PDE1C: variants seen among roughly 807,000 people sequenced by gnomAD.
PDE1C encodes dual specificity calcium/calmodulin-dependent 3',5'-cyclic nucleotide phosphodiesterase 1C.
Under a neutral mutation model 93.1 loss-of-function variants are expected in PDE1C, and 62 were observed. That is an observed-to-expected ratio of 0.67 (90% CI 0.54 to 0.82). The LOEUF is 0.82. Among genes scored for constraint, PDE1C ranks in the 40% least tolerant of loss-of-function variants. The pLI is 0.00. For missense variants in PDE1C, 742 were observed against 884.6 expected, an observed-to-expected ratio of 0.84 and a Z score of 2.04; for synonymous variants, 325 against 310.1, an observed-to-expected ratio of 1.05 and a Z score of -0.50.
intron 2 of PDE1C, among the ~76,000 whole-genome samples, chr7:31,887,797 A>G (rs900177107): frequency 2.0e-5 from 3 of 151,926 alleles, no homozygotes; most frequent in Admixed American, 6.5e-5. Flanking sequence ...TTAGAACCCA[A>G]AACAAAAAAT....
intron 17 of PDE1C, among the ~76,000 whole-genome samples, chr7:31,760,947 C>A (rs904287025): frequency 6.6e-6 from 1 of 152,124 alleles, no homozygotes; most frequent in Non-Finnish European, 1.5e-5. Context: ...TGCACAAAAA[C>A]CATCCAGGAG....
At position 31,753,504 on chromosome 7, in the gene PDE1C, G is replaced by C. The variant is rs200681508; in HGVS notation, c.2010C>G (p.Ser670Arg). The change falls in exon 18 of 18, where the codon AGC becomes AGG. Residue 670 changes from serine to arginine, a missense_variant. This residue lies in a region of PDE1C where 454 missense variants were observed against 459.4 expected (regional missense o/e 0.99). Transcript: ENST00000396191. ...TCTTTGAGACTGAAGGTGCATAGGA[G>C]CTAGATGCGTAAGCAGGGCGTTTAA... ...RHFKRPAYAS[S>R]SYAPSVSKKT... 5.3e-4 allele frequency: 858 copies of C among 1,612,150 alleles called. 1 individual carries two copies. The highest frequency in any genetic ancestry group is 6.8e-4 in the Non-Finnish European group (802 of 1,179,608).
rs371062697 is a variant in PDE1C, at chr7:31,923,705, G to A, written c.129-42845C>T. ...AGAAGTGAGATTTGGGTTGTGCACC[G>A]TGGCTCATGCCTATAATCCCATGTT... On this transcript the variant is annotated intron_variant, in intron 2 of 17. Transcript: ENST00000396191. Among the ~76,000 whole-genome samples the A allele has an allele frequency of 8.5e-5, 13 of 152,298 alleles. No homozygotes were observed. The South Asian group carries it at 1.2e-3, about 15-fold the overall frequency.
At chr7:32,332,163 C>G (rs187101703) in intron 1 of PDE1C, among the ~76,000 whole-genome samples, 11 of 152,216 alleles carry the variant, frequency 7.2e-5, no homozygotes, top group South Asian at 4.1e-4. Context: ...CACACACACA[C>G]AGAGACATCT....
intron 2 of PDE1C, among the ~76,000 whole-genome samples, chr7:32,171,615 A>G (rs1296650101): frequency 6.6e-6 from 1 of 151,188 alleles, no homozygotes; most frequent in Non-Finnish European, 1.5e-5. Context: ...TGTTATTATT[A>G]TATTATTCCC....
intron 2 of PDE1C, among the ~76,000 whole-genome samples, chr7:31,886,096 G>T (rs1167296686): frequency 6.6e-6 from 1 of 152,080 alleles, no homozygotes; most frequent in Non-Finnish European, 1.5e-5. Flanking sequence ...GAGAGAACTG[G>T]ATCTTTTACA....
intron 2 of PDE1C, among the ~76,000 whole-genome samples, chr7:31,999,311 T>C (rs984761067): frequency 6.6e-6 from 1 of 152,204 alleles, no homozygotes; most frequent in African/African-American, 2.4e-5. Context: ...TATGCAAATG[T>C]GCTTTTCATA....
chr7:32,071,091 C>T (rs927101123), upstream of PDE1C: 31 of 985,404 alleles, frequency 3.1e-5, no homozygotes, highest in Non-Finnish European at 3.7e-5. Context: ...CGCGCGGGCA[C>T]CGCCGTCTGC....
chr7:31,953,428 G>A (rs1184119414), intron 2 of PDE1C, among the ~76,000 whole-genome samples: 1 of 152,098 alleles, frequency 6.6e-6, no homozygotes, highest in African/African-American at 2.4e-5. Flanking sequence ...AATTTGTCAT[G>A]GACAAATCCT....
intron 1 of PDE1C, among the ~76,000 whole-genome samples, chr7:32,056,561 T>C (rs1156933319): frequency 6.6e-6 from 1 of 152,280 alleles, no homozygotes; most frequent in East Asian, 1.9e-4. Context: ...ACCACTGGTT[T>C]CCTCATCTGT....
At chr7:32,143,758 T>C (rs939624797) in intron 3 of PDE1C, among the ~76,000 whole-genome samples, 1 of 152,174 alleles carries the variant, frequency 6.6e-6, no homozygotes, top group Non-Finnish European at 1.5e-5. Context: ...CTGCCAAATT[T>C]AGTTCAACAA....
chr7:32,423,051 C>T (rs1013614900), intron 1 of PDE1C, among the ~76,000 whole-genome samples: 2 of 152,304 alleles, frequency 1.3e-5, no homozygotes, highest in Middle Eastern at 3.4e-3. Context: ...TGACTAGCAG[C>T]ATTCACAGCA....
At chr7:31,918,559 C>T (rs981805966) in intron 2 of PDE1C, among the ~76,000 whole-genome samples, 4 of 152,172 alleles carry the variant, frequency 2.6e-5, no homozygotes, top group African/African-American at 9.7e-5. Context: ...CCTCAGGCCT[C>T]CAGCTCCTGA....
intron 1 of PDE1C, among the ~76,000 whole-genome samples, chr7:32,244,971 T>C (rs1007807701): frequency 8.5e-5 from 13 of 152,132 alleles, no homozygotes; most frequent in African/African-American, 3.1e-4. Context: ...AAGGCCCAGC[T>C]AGGCAGGCAC....
At chr7:32,300,585 C>T (rs1238475460), upstream of PDE1C, among the ~76,000 whole-genome samples, 1 of 152,188 alleles carries the variant, frequency 6.6e-6, no homozygotes, top group African/African-American at 2.4e-5. Context: ...CTGAGTCTTA[C>T]TTTCCTCCTC....
chr7:31,627,627 T>G, the PDE1C span, among the ~76,000 whole-genome samples: 1 of 119,762 alleles, frequency 8.3e-6, no homozygotes, highest in East Asian at 2.9e-4. Context: ...GCCACTGCAA[T>G]CCAGCCTGAG....
At chr7:32,085,438 GTACC>G (rs1797008633) in intron 3 of PDE1C, among the ~76,000 whole-genome samples, 1 of 148,540 alleles carries the variant, frequency 6.7e-6, no homozygotes, top group Admixed American at 6.7e-5. Context: ...GGAGGAACTG[GTACC>G]ATTCCTTCTG....
the PDE1C span, among the ~76,000 whole-genome samples, chr7:31,720,169 CAAAAAAAAAAAAA>C: frequency 3.6e-4 from 18 of 50,116 alleles, no homozygotes; most frequent in East Asian, 7.5e-3. Context: ...GACTCCGTCT[CAAAAAAAAAAAAA>C]AAAAAAAAAA....
At chr7:32,372,658 C>G (rs1487014224) in intron 1 of PDE1C, among the ~76,000 whole-genome samples, 1 of 152,138 alleles carries the variant, frequency 6.6e-6, no homozygotes, top group East Asian at 1.9e-4. Context: ...ATTTGCTGTA[C>G]TTCGAAGGAC....
Sources: gnomAD v4.1 joint callset for allele counts (sites outside exome capture counted in the v4.1 genomes callset) on GRCh38, gnomAD v4.1.1 for gene constraint, gnomAD v4.1.1 regional missense constraint, MANE v1.5 for transcripts, NCBI Gene and HGNC (gene_info 2026-07-23, HGNC 2026-07-21) for gene names.